Variants in NIN observed in about 807,000 individuals in gnomAD.
NIN encodes the protein glycogen synthase kinase 3 beta-interacting protein.
NIN carries 137 observed loss-of-function variants against 257.6 expected under a neutral mutation model. The ratio of observed to expected loss-of-function variants is 0.53; its 90% confidence interval spans 0.46 to 0.61. NIN has a LOEUF of 0.61. NIN is among the 20% of genes least tolerant of loss of function. The pLI, the probability that NIN is intolerant of heterozygous loss-of-function variation, is 0.00. For synonymous variants in NIN, 918 were observed against 919.8 expected (o/e 1.00, Z 0.04); for missense variants, 2,439 against 2,501.2 (o/e 0.98, Z 0.53).
chr14:50,812,142 G>A (rs1482217015), intron 3 of NIN, among the ~76,000 whole-genome samples: 2 of 152,108 alleles, frequency 1.3e-5, no homozygotes, highest in African/African-American at 4.8e-5. Context: ...TTTTTTTTAC[G>A]AACGTGGGTC....
At chr14:50,831,382 C>T (rs1244422430), upstream of NIN, among the ~76,000 whole-genome samples, 1 of 152,176 alleles carries the variant, frequency 6.6e-6, no homozygotes, top group Non-Finnish European at 1.5e-5. Flanking sequence ...AGGTCGCCAC[C>T]GAGCTGGGGC....
intron 4 of NIN, among the ~76,000 whole-genome samples, chr14:50,797,169 A>G (rs527241157): frequency 4.6e-5 from 7 of 152,244 alleles, no homozygotes; most frequent in Non-Finnish European, 1.0e-4. Flanking sequence ...AACACCTGCC[A>G]TAGGCAAAAC....
At chr14:50,828,292 T>C (rs994126624) in intron 2 of NIN, among the ~76,000 whole-genome samples, 1 of 152,244 alleles carries the variant, frequency 6.6e-6, no homozygotes, top group African/African-American at 2.4e-5. Context: ...AGGGTATAGA[T>C]AGATGCTTTG....
intron 4 of NIN, among the ~76,000 whole-genome samples, chr14:50,796,079 T>A (rs2043825416): frequency 6.6e-6 from 1 of 152,356 alleles, no homozygotes; most frequent in East Asian, 1.9e-4. Flanking sequence ...CTTGAAAGTG[T>A]ATTTATGATT....
intron 5 of NIN, among the ~76,000 whole-genome samples, chr14:50,788,984 A>G (rs557023446): frequency 6.6e-6 from 1 of 152,190 alleles, no homozygotes; most frequent in Non-Finnish European, 1.5e-5. Flanking sequence ...AGAGCAGGGG[A>G]AACTGAAGTC....
chr14:50,767,498 G>A (rs1219081626), intron 12 of NIN, among the ~76,000 whole-genome samples: 1 of 152,162 alleles, frequency 6.6e-6, no homozygotes, highest in Non-Finnish European at 1.5e-5. Context: ...GCCAGCAAAA[G>A]AGAACTCAGA....
At chr14:50,826,002 T>C (rs1443583765) in intron 2 of NIN, among the ~76,000 whole-genome samples, 1 of 152,218 alleles carries the variant, frequency 6.6e-6, no homozygotes, top group Non-Finnish European at 1.5e-5. Flanking sequence ...ATAAAAATGA[T>C]CATGAAGTGT....
chr14:50,792,594 G>T (rs2043645624), intron 5 of NIN, 118 bp downstream of exon 5: 4 of 1,005,868 alleles, frequency 4.0e-6, no homozygotes, highest in Non-Finnish European at 6.0e-6. Context: ...CAAGGAGTTG[G>T]TAACTGAGAA....
intron 4 of NIN, among the ~76,000 whole-genome samples, chr14:50,805,589 C>T (rs2142184595): frequency 6.6e-6 from 1 of 152,294 alleles, no homozygotes; most frequent in East Asian, 1.9e-4. Flanking sequence ...CTAGATCACC[C>T]GGCAAGGGTG....
chr14:50,807,957 C>A (rs1329693213), intron 3 of NIN, among the ~76,000 whole-genome samples: 2 of 152,192 alleles, frequency 1.3e-5, no homozygotes, highest in Admixed American at 1.3e-4. Flanking sequence ...TTACTGAAAT[C>A]ATTAGATTAT....
chr14:50,783,700 T>C (rs2043228127), intron 5 of NIN, among the ~76,000 whole-genome samples: 1 of 152,134 alleles, frequency 6.6e-6, no homozygotes, highest in South Asian at 2.1e-4. Context: ...TTTATTTTCA[T>C]TCTCACTGCC....
rs529540143 is a variant in NIN at position 50,807,400 on chromosome 14, A to G, written c.184-582T>C. Among the ~76,000 whole-genome samples the G allele has an allele frequency of 1.5e-4, 23 of 152,398 alleles. 1 individual carries two copies. The highest frequency in any genetic ancestry group is 5.3e-4 in the African/African-American group (22 of 41,598). ...TTAAGAAGTATTTTCCTGAATTCTT[A>G]AAAAATAGAGTTATCTTGACTGAAG... On this transcript the variant is annotated intron_variant, in intron 3 of 30. Coordinates refer to ENST00000530997, the MANE Select transcript of NIN (RefSeq NM_020921.4).
At chr14:50,827,707 A>G (rs1446224030) in intron 2 of NIN, among the ~76,000 whole-genome samples, 1 of 149,528 alleles carries the variant, frequency 6.7e-6, no homozygotes, top group African/African-American at 2.5e-5. Context: ...CAGTGTGCCG[A>G]GATCATGCCA....
intron 12 of NIN, among the ~76,000 whole-genome samples, chr14:50,769,762 A>G (rs904295765): frequency 3.9e-5 from 6 of 152,134 alleles, no homozygotes; most frequent in African/African-American, 1.4e-4. Flanking sequence ...TCGGCCTCTG[A>G]AAGTGCTGGG....
intron 23 of NIN, among the ~76,000 whole-genome samples, 156 bp downstream of exon 23, chr14:50,744,087 G>GA (rs2041421539): frequency 7.1e-6 from 1 of 141,220 alleles, no homozygotes. Context: ...TTGGCTGCAG[G>GA]AAGTCTGGGG....
At chr14:50,792,660 C>A in intron 5 of NIN, 52 bp downstream of exon 5, 1 of 1,603,128 alleles carries the variant, frequency 6.2e-7, no homozygotes, top group Non-Finnish European at 8.5e-7. Flanking sequence ...GCTGCACTGA[C>A]GTGGGGCTCC....
chr14:50,763,677 A>G, intron 15 of NIN, 149 bp downstream of exon 15: 1 of 616,772 alleles, frequency 1.6e-6, no homozygotes, highest in Non-Finnish European at 2.7e-6. Flanking sequence ...ACGAGACCAC[A>G]AGTGAAACAG....
intron 5 of NIN, among the ~76,000 whole-genome samples, chr14:50,782,138 C>T (rs2043159401): frequency 6.6e-6 from 1 of 152,110 alleles, no homozygotes; most frequent in African/African-American, 2.4e-5. Context: ...CTTCTACTAC[C>T]ATCAAGGTTA....
chr14:50,760,039 C>T lies in NIN; in HGVS notation c.2217G>A (p.Glu739=). The change falls in exon 17 of 31, where the codon GAG becomes GAA. Residue 739 remains glutamate, a synonymous_variant. Coordinates refer to ENST00000530997, the MANE Select transcript of NIN (RefSeq NM_020921.4). ...TACTCTGAAGGCCTTCCCTCTCCCG[C>T]TCAAAGCTTGCTTGAGCCTGTGTCA... ...ARLTQAQASF[E]REREGLQSSA... is the part of the protein sequence containing the mutation. The T allele has an allele frequency of 6.2e-7, 1 of 1,614,236 alleles. No homozygotes were observed. The highest frequency in any genetic ancestry group is 8.5e-7 in the Non-Finnish European group (1 of 1,180,054).
Sources: allele counts gnomAD v4.1 joint callset (sites outside exome capture counted in the v4.1 genomes callset), GRCh38; gene constraint gnomAD v4.1.1; transcripts MANE v1.5; gene names NCBI Gene and HGNC (gene_info 2026-07-23, HGNC 2026-07-21).